The following EGFR variants were observed in gnomAD, a reference collection of about 807,000 sequenced individuals.
The protein encoded by EGFR is epidermal growth factor receptor.
EGFR carries 58 observed loss-of-function variants against 143.0 expected under a neutral mutation model. The ratio of observed to expected loss-of-function variants is 0.41; its 90% CI spans 0.33 to 0.50. The LOEUF (loss-of-function observed/expected upper bound fraction) is 0.50, where lower values mean the gene tolerates loss of function less well. Ranked by LOEUF, EGFR falls within the 20% of genes least tolerant of loss-of-function variation. The pLI, the probability that EGFR is intolerant of heterozygous loss-of-function variation, is 0.39. For synonymous variants in EGFR, 613 were observed against 594.4 expected (o/e 1.03, Z -0.45); for missense variants, 1,307 against 1,579.0 (o/e 0.83, Z 2.92).
intron 16 of EGFR, 29 bp from the exon 17 acceptor site, chr7:55,172,954 C>A: frequency 6.2e-7 from 1 of 1,614,172 alleles, no homozygotes; most frequent in South Asian, 1.1e-5. Flanking sequence ...AGCAACCTCA[C>A]CCTTCCTTGT....
At chr7:55,110,557 A>G (rs987943721) in intron 1 of EGFR, among the ~76,000 whole-genome samples, 2 of 152,226 alleles carry the variant, frequency 1.3e-5, no homozygotes, top group African/African-American at 2.4e-5. Flanking sequence ...TCTTACGATC[A>G]TTAAATTATT....
intron 1 of EGFR, among the ~76,000 whole-genome samples, chr7:55,095,419 G>A (rs978510792): frequency 1.3e-5 from 2 of 152,226 alleles, no homozygotes; most frequent in African/African-American, 2.4e-5. Context: ...GCGTGCCACA[G>A]TCATTTTACT....
intron 11 of EGFR, 104 bp downstream of exon 11, chr7:55,157,857 C>T: frequency 8.8e-7 from 1 of 1,137,094 alleles, no homozygotes; most frequent in Non-Finnish European, 1.3e-6. Flanking sequence ...GCTCCTGCAT[C>T]TCTCGCCGGC....
intron 20 of EGFR, among the ~76,000 whole-genome samples, chr7:55,187,458 G>C (rs1309307969): frequency 1.3e-5 from 2 of 152,186 alleles, no homozygotes; most frequent in Admixed American, 1.3e-4. Flanking sequence ...GGATGCCCCA[G>C]CTCAGAGCAT....
intron 1 of EGFR, among the ~76,000 whole-genome samples, chr7:55,049,365 A>G (rs1306478759): frequency 2.0e-5 from 3 of 152,154 alleles, no homozygotes; most frequent in Non-Finnish European, 4.4e-5. Context: ...CTCTTTCTTC[A>G]TTATTTCTCC....
intron 15 of EGFR, among the ~76,000 whole-genome samples, chr7:55,169,667 CAG>C (rs1786248587): frequency 6.6e-6 from 1 of 152,228 alleles, no homozygotes; most frequent in East Asian, 1.9e-4. Flanking sequence ...GTCATTTCTG[CAG>C]AGTTACCGAG....
intron 19 of EGFR, among the ~76,000 whole-genome samples, chr7:55,175,700 A>C (rs991071294): frequency 6.6e-6 from 1 of 152,232 alleles, no homozygotes; most frequent in Admixed American, 6.5e-5. Context: ...AATTTAGTTG[A>C]TCTTACAGCC....
rs1562813114 is a variant in EGFR, at chr7:55,208,566, T to G, written c.*2949T>G. 1 of 152,080 alleles carries G rather than the reference T, an allele frequency of 6.6e-6. No homozygotes were observed. The highest frequency in any genetic ancestry group is 1.5e-5 in the Non-Finnish European group (1 of 68,030). 9.4% of individuals were successfully genotyped at this position (152,080 alleles called of 1,614,324 possible). Reference sequence around the variant, plus strand: ...TCTTCTTGCATCATCTCTAAGGAGCTCCTCTAATTACACCATGCCCGTCAC... The same window carrying G: ...TCTTCTTGCATCATCTCTAAGGAGCGCCTCTAATTACACCATGCCCGTCAC... On this transcript the variant is annotated 3_prime_UTR_variant, in exon 28 of 28. Transcript: ENST00000275493.
chr7:55,205,613 C>T lies in EGFR; in HGVS notation c.3629C>T (p.Ala1210Val), dbSNP rs35918369. 455 of 1,614,180 alleles carry T rather than the reference C, an allele frequency of 2.8e-4. No homozygotes were observed. Among genetic ancestry groups the T allele is most frequent in the Admixed American group, 3.7e-4 (22 of 60,020 alleles). The change falls in exon 28 of 28, where the codon GCA becomes GTA. Residue 1210 changes from alanine (A) to valine (V), a missense_variant. This residue lies in a region of EGFR where 313 missense variants were observed against 312.3 expected (regional missense o/e 1.00). Coordinates refer to ENST00000275493, the MANE Select transcript of EGFR (RefSeq NM_005228.5). Reference sequence around the variant, plus strand: ...CCACAAAGCAGTGAATTTATTGGAGCATGACCACGGAGGATAGTATGAGCC... The same window carrying T: ...CCACAAAGCAGTGAATTTATTGGAGTATGACCACGGAGGATAGTATGAGCC... ...VAPQSSEFIG[A>V]
intron 16 of EGFR, among the ~76,000 whole-genome samples, chr7:55,171,628 G>A (rs541814195): frequency 6.6e-6 from 1 of 152,282 alleles, no homozygotes; most frequent in East Asian, 1.9e-4. Context: ...CCAGCATAGG[G>A]GAGTGTTTCT....
chr7:55,182,460 G>A (rs1437806843), intron 20 of EGFR: 2 of 152,194 alleles, frequency 1.3e-5, no homozygotes, highest in African/African-American at 2.4e-5. Flanking sequence ...CCAACTCCAG[G>A]CAGATGTAAA....
intron 1 of EGFR, among the ~76,000 whole-genome samples, chr7:55,116,318 C>G (rs975925126): frequency 2.0e-5 from 3 of 152,206 alleles, no homozygotes; most frequent in Non-Finnish European, 4.4e-5. Flanking sequence ...ACATCCCACC[C>G]CTGGCCGCTG....
intron 20 of EGFR, among the ~76,000 whole-genome samples, chr7:55,183,541 G>T (rs1017363328): frequency 1.1e-4 from 17 of 152,154 alleles, no homozygotes; most frequent in African/African-American, 3.9e-4. Context: ...CTGTCTTGGG[G>T]AGGGGGTGGT....
At chr7:55,057,641 C>A (rs1212978952) in intron 1 of EGFR, among the ~76,000 whole-genome samples, 4 of 152,180 alleles carry the variant, frequency 2.6e-5, no homozygotes, top group Non-Finnish European at 5.9e-5. Flanking sequence ...TTACCAGCCT[C>A]TTTCCTTGTT....
intron 1 of EGFR, among the ~76,000 whole-genome samples, chr7:55,125,021 T>C (rs1453454564): frequency 6.6e-6 from 1 of 152,172 alleles, no homozygotes; most frequent in Non-Finnish European, 1.5e-5. Context: ...GGAACCTTAA[T>C]AAAGTGCAGA....
chr7:55,183,003 T>C (rs1786962441), intron 20 of EGFR, among the ~76,000 whole-genome samples: 2 of 152,226 alleles, frequency 1.3e-5, no homozygotes, highest in Non-Finnish European at 2.9e-5. Context: ...ACAGCTTTAT[T>C]CCCTCCTGGC....
chr7:55,057,208 G>C (rs1187791610), intron 1 of EGFR, among the ~76,000 whole-genome samples: 1 of 152,224 alleles, frequency 6.6e-6, no homozygotes, highest in Non-Finnish European at 1.5e-5. Flanking sequence ...TTTTTTAAAA[G>C]CTAGAGCAAT....
intron 1 of EGFR, among the ~76,000 whole-genome samples, chr7:55,029,462 T>C (rs780444860): frequency 4.6e-5 from 7 of 152,298 alleles, no homozygotes; most frequent in Non-Finnish European, 7.4e-5. Context: ...CTCCTTCTTT[T>C]TTACAAGCTG....
At chr7:55,118,170 T>C (rs1306165185) in intron 1 of EGFR, among the ~76,000 whole-genome samples, 1 of 152,220 alleles carries the variant, frequency 6.6e-6, no homozygotes, top group East Asian at 1.9e-4. Flanking sequence ...GCTTCTGAAA[T>C]TAATGGGGAC....
Sources: gnomAD v4.1 joint callset for allele counts (sites outside exome capture counted in the v4.1 genomes callset) on GRCh38, gnomAD v4.1.1 for gene constraint, gnomAD v4.1.1 regional missense constraint, MANE v1.5 for transcripts, NCBI Gene and HGNC (gene_info 2026-07-23, HGNC 2026-07-21) for gene names.